ABL1: variants seen among roughly 807,000 people sequenced by gnomAD.
ABL1 encodes the protein tyrosine-protein kinase ABL1.
In ABL1, 11 loss-of-function variants were observed where a neutral mutation model predicts 94.7. The ratio of observed to expected loss-of-function variants is 0.12; its 90% CI spans 0.07 to 0.19. ABL1 has a LOEUF of 0.19. Ranked by LOEUF, ABL1 falls within the 10% of genes least tolerant of loss-of-function variation. The pLI is 1.00. For missense variants in ABL1, 1,082 were observed against 1,489.4 expected (o/e 0.73, Z 4.50); for synonymous variants, 656 against 622.4 (o/e 1.05, Z -0.80).
chr9:130,787,002 T>C (rs1829835696), intron 1 of ABL1, among the ~76,000 whole-genome samples: 1 of 152,228 alleles, frequency 6.6e-6, no homozygotes, highest in South Asian at 2.1e-4. Context: ...TGGCTTTTTG[T>C]TGCATTGATC....
At chr9:130,808,979 T>C (rs1830168093) in intron 1 of ABL1, among the ~76,000 whole-genome samples, 1 of 152,208 alleles carries the variant, frequency 6.6e-6, no homozygotes, top group African/African-American at 2.4e-5. Context: ...TCTGATTTAA[T>C]GCTCGGAGAA....
intron 1 of ABL1, among the ~76,000 whole-genome samples, chr9:130,847,484 A>C (rs1830790895): frequency 6.6e-6 from 1 of 152,172 alleles, no homozygotes. Flanking sequence ...TACATTCTGC[A>C]ACTTTGGCCT....
intron 1 of ABL1, among the ~76,000 whole-genome samples, chr9:130,717,803 C>T (rs1029106444): frequency 7.9e-5 from 12 of 151,834 alleles, no homozygotes; most frequent in Admixed American, 7.9e-4. Flanking sequence ...CACCTGAGGT[C>T]GGGAGTTCAG....
chr9:130,801,874 A>G lies in ABL1; in HGVS notation c.137-52190A>G, dbSNP rs569988967. On this transcript the variant is annotated intron_variant, in intron 1 of 10. Coordinates refer to the ABL1 transcript ENST00000372348. The stretch of plus-strand genomic sequence containing the variant: ...ATCTTTGGTTTTGGAGTATTTGACT[A>G]TGAAGTGCAAGCTGCTTTGTTTCTT... 2.0e-5 allele frequency among the ~76,000 whole-genome samples: 3 copies of G among 152,174 alleles called. No individual in the cohort carries two copies. In the East Asian group the frequency reaches 5.8e-4, roughly 29 times the overall value.
At chr9:130,724,664 G>C in intron 1 of ABL1, 1 of 270,930 alleles carries the variant, frequency 3.7e-6, no homozygotes, top group South Asian at 3.4e-5. Flanking sequence ...TTAGCCAGGC[G>C]TGGTGACGCA....
intron 1 of ABL1, among the ~76,000 whole-genome samples, chr9:130,825,582 C>G (rs922073736): frequency 2.0e-5 from 3 of 152,118 alleles, no homozygotes; most frequent in Non-Finnish European, 4.4e-5. Flanking sequence ...TTGCTATTTT[C>G]TATTGCAACA....
At chr9:130,878,654 G>A (rs1831393969) in intron 8 of ABL1, 87 bp downstream of exon 8, 1 of 1,497,090 alleles carries the variant, frequency 6.7e-7, no homozygotes, top group Admixed American at 1.9e-5. Context: ...AAAGTTGAAA[G>A]TTTTTCCATG....
chr9:130,865,269 T>A (rs1436842629), intron 4 of ABL1, among the ~76,000 whole-genome samples: 1 of 152,182 alleles, frequency 6.6e-6, no homozygotes, highest in Non-Finnish European at 1.5e-5. Context: ...CCCGGAGTGG[T>A]ATCTAATTAG....
chr9:130,787,623 G>A (rs2132799775), intron 1 of ABL1, among the ~76,000 whole-genome samples: 1 of 152,270 alleles, frequency 6.6e-6, no homozygotes, highest in African/African-American at 2.4e-5. Context: ...CCCGAGTCCG[G>A]TATTGAGGGG....
chr9:130,854,159 A>T lies in ABL1; in HGVS notation c.175A>T (p.Ser59Cys). The T allele has an allele frequency of 1.2e-6, 2 of 1,614,200 alleles. No homozygotes were observed. The highest frequency in any genetic ancestry group is 8.5e-7 in the Non-Finnish European group (1 of 1,180,028). Residue 59 changes from serine (S) to cysteine (C), a missense_variant, in exon 2 of 11, where the codon AGT becomes TGT. By Grantham distance (112) the Ser-to-Cys change is moderately radical. Coordinates refer to ENST00000318560, the MANE Select transcript of ABL1 (RefSeq NM_005157.6). ...NSKENLLAGP[S>C]ENDPNLFVAL... ...CAAGGAAAACCTTCTCGCTGGACCC[A>T]GTGAAAATGACCCCAACCTTTTCGT... is the stretch of plus-strand genomic sequence containing the variant.
chr9:130,876,729 G>GTTTTT (rs1169956131), intron 7 of ABL1, among the ~76,000 whole-genome samples: 29 of 115,322 alleles, frequency 2.5e-4, no homozygotes, highest in African/African-American at 3.7e-4. Flanking sequence ...CCACAAGTTG[G>GTTTTT]TTTCTTTTTT....
intron 1 of ABL1, among the ~76,000 whole-genome samples, chr9:130,751,267 G>A (rs1365234819): frequency 6.8e-6 from 1 of 146,096 alleles, no homozygotes; most frequent in African/African-American, 2.5e-5. Context: ...TCAACCTCCC[G>A]AGTAGCTGGG....
At chr9:130,810,474 CGA>C (rs1030269039) in intron 1 of ABL1, among the ~76,000 whole-genome samples, 34 of 151,628 alleles carry the variant, frequency 2.2e-4, no homozygotes, top group African/African-American at 7.8e-4. Context: ...CCAACCTGGG[CGA>C]GAGAGCAAGA....
rs892348595 is a variant in ABL1 at position 130,739,064 on chromosome 9, T to A, written c.136+24609T>A. ...TGCCACCATGCCCGGCTAATTTTTG[T>A]ATTTTTTTTAGTAGAGACGTGGTTT... is the stretch of plus-strand genomic sequence containing the variant. On this transcript the variant is annotated intron_variant, in intron 1 of 10. Coordinates refer to the ABL1 transcript ENST00000372348. Among the ~76,000 whole-genome samples the A allele has an allele frequency of 2.6e-4, 40 of 152,316 alleles. 1 individual carries two copies. Among genetic ancestry groups the A allele is most frequent in the African/African-American group, 9.6e-4 (40 of 41,564 alleles).
chr9:130,769,329 C>CTTTTTTTTT lies in ABL1; in HGVS notation c.136+54888_136+54896dup, dbSNP rs372838676. On this transcript the variant is annotated intron_variant, in intron 1 of 10. Transcript: ENST00000372348. ...TGGAGAGCCAAACTATGGCCCTAGT[C>CTTTTTTTTT]TTTTTTTTTTTTTTTTTTTTTTGAG... Among the ~76,000 whole-genome samples the CTTTTTTTTT allele has an allele frequency of 4.0e-3, 336 of 84,310 alleles. 13 individuals are homozygous for CTTTTTTTTT. The highest frequency in any genetic ancestry group is 0.013 in the African/African-American group (274 of 21,542). The allele number at this position is 84,310 out of a possible 152,430, so 55.3% of individuals were successfully genotyped here.
At chr9:130,717,659 T>TAA (rs55678553) in intron 1 of ABL1, among the ~76,000 whole-genome samples, 6 of 128,230 alleles carry the variant, frequency 4.7e-5, no homozygotes, top group African/African-American at 1.4e-4. Context: ...CTCTGGGGGG[T>TAA]AAAAAAAAAA....
At chr9:130,752,152 C>T (rs908396079) in intron 1 of ABL1, among the ~76,000 whole-genome samples, 1 of 152,170 alleles carries the variant, frequency 6.6e-6, no homozygotes, top group East Asian at 1.9e-4. Flanking sequence ...GACGATGACC[C>T]GACAGAGGCT....
intron 7 of ABL1, 51 bp downstream of exon 7, chr9:130,875,103 T>C: frequency 6.5e-7 from 1 of 1,544,028 alleles, no homozygotes; most frequent in Non-Finnish European, 8.8e-7. Flanking sequence ...CAGGAGGGTT[T>C]TTTTCTGCCT....
At chr9:130,763,148 C>T (rs1363794357) in intron 1 of ABL1, among the ~76,000 whole-genome samples, 1 of 151,866 alleles carries the variant, frequency 6.6e-6, no homozygotes, top group Non-Finnish European at 1.5e-5. Flanking sequence ...CTTTCTGGTT[C>T]CCCTGCCCTG....
Sources: allele counts gnomAD v4.1 joint callset (sites outside exome capture counted in the v4.1 genomes callset), GRCh38; gene constraint gnomAD v4.1.1; transcripts MANE v1.5; gene names NCBI Gene and HGNC (gene_info 2026-07-23, HGNC 2026-07-21).